GPCPD1: variants seen among roughly 807,000 people sequenced by gnomAD.
The protein encoded by GPCPD1 is glycerophosphocholine phosphodiesterase GPCPD1.
Under a neutral mutation model 89.2 loss-of-function variants are expected in GPCPD1, and 29 were observed. The observed-to-expected ratio is 0.33, with a 90% CI of 0.24 to 0.44. The LOEUF (loss-of-function observed/expected upper bound fraction) is 0.44. Among genes scored for constraint, GPCPD1 ranks in the 20% least tolerant of loss-of-function variants. The pLI is 1.00. For missense variants in GPCPD1, 594 were observed against 808.9 expected, an observed-to-expected ratio of 0.73 and a Z score of 3.22; for synonymous variants, 258 against 266.3, an observed-to-expected ratio of 0.97 and a Z score of 0.30.
chr20:5,604,774 TACACACACACACACACAC>T (rs11466989), intron 1 of GPCPD1, among the ~76,000 whole-genome samples: 3 of 139,072 alleles, frequency 2.2e-5, no homozygotes, highest in Non-Finnish European at 4.6e-5. Context: ...GCCTCATGTC[TACACACACACACACACAC>T]ACACACACAC....
Position 5,546,789 on chromosome 20 carries a change from T to A in GPCPD1, c.*872A>T, listed in dbSNP as rs1600701161. 1.7e-5 allele frequency: 2 copies of A among 120,476 alleles called. No homozygotes were observed. The highest frequency in any genetic ancestry group is 2.4e-4 in the South Asian group (1 of 4,226). 7.5% of individuals were successfully genotyped at this position (120,476 alleles called of 1,614,324 possible). A position where few individuals can be genotyped will look rare whatever the true frequency, so the allele number is the denominator to read the frequency against. ...ATATTTAAAACGCCTACAAACAGCCTTTTTTTTTTAGGCAACAAAATACGT... is the reference window on the plus strand; with the variant it reads ...ATATTTAAAACGCCTACAAACAGCCATTTTTTTTTAGGCAACAAAATACGT... On this transcript the variant is annotated 3_prime_UTR_variant, in exon 20 of 20. Coordinates refer to ENST00000379019, the MANE Select transcript of GPCPD1 (RefSeq NM_019593.5).
At chr20:5,567,360 C>T (rs541150350) in intron 13 of GPCPD1, 123 bp downstream of exon 13, 2 of 1,182,464 alleles carry the variant, frequency 1.7e-6, no homozygotes, top group East Asian at 2.6e-5. Context: ...AATACCAAAG[C>T]ACATAGTCTA....
intron 2 of GPCPD1, among the ~76,000 whole-genome samples, chr20:5,603,356 C>T (rs757809871): frequency 4.0e-4 from 61 of 152,034 alleles, no homozygotes; most frequent in Non-Finnish European, 7.5e-4. Flanking sequence ...TATAAAATCT[C>T]CAAGAGGTGC....
In GPCPD1 at chr20:5,575,426, T is replaced by C. The variant is rs754105928; in HGVS notation, c.988A>G (p.Thr330Ala). Residue 330 changes from threonine to alanine, a missense_variant, in exon 10 of 20, where the codon ACA (threonine) becomes GCA (alanine). Physicochemically the swap from Thr to Ala is moderately conservative, Grantham distance 58. Coordinates refer to ENST00000379019, the MANE Select transcript of GPCPD1 (RefSeq NM_019593.5). ...TATTCAACTTACTGGGCAGTTGTTG[T>C]AGAGTTTCCTGCACCTCGATGGCCA... is the stretch of plus-strand genomic sequence containing the variant. ...DVGHRGAGNS[T>A]TTAQLAKVQE... is the part of the protein sequence containing the mutation. 1.2e-6 allele frequency: 2 copies of C among 1,608,984 alleles called. No homozygotes were observed. Among genetic ancestry groups the C allele is most frequent in the South Asian group, 1.1e-5 (1 of 90,368 alleles).
At chr20:5,554,455 C>G (rs1258910067) in intron 19 of GPCPD1, among the ~76,000 whole-genome samples, 1 of 152,124 alleles carries the variant, frequency 6.6e-6, no homozygotes, top group African/African-American at 2.4e-5. Context: ...AGCCAATACT[C>G]ATTTAACACT....
intron 2 of GPCPD1, among the ~76,000 whole-genome samples, chr20:5,602,605 T>C (rs569256753): frequency 2.6e-5 from 4 of 152,326 alleles, no homozygotes; most frequent in African/African-American, 9.6e-5. Context: ...ATTCACTCAT[T>C]CTTTGAATAC....
intron 16 of GPCPD1, among the ~76,000 whole-genome samples, chr20:5,560,458 C>G (rs1323573965): frequency 6.6e-6 from 1 of 152,126 alleles, no homozygotes; most frequent in Non-Finnish European, 1.5e-5. Context: ...TAAAATGTCC[C>G]TACTAATTAT....
chr20:5,598,909 T>C (rs1172731292), intron 2 of GPCPD1, 88 bp from the exon 3 acceptor site: 2 of 804,808 alleles, frequency 2.5e-6, no homozygotes, highest in Non-Finnish European at 4.3e-6. Context: ...TTCAACCAGA[T>C]ATGCTGCCCC....
At chr20:5,600,374 G>A (rs776855354) in intron 2 of GPCPD1, among the ~76,000 whole-genome samples, 2 of 151,648 alleles carry the variant, frequency 1.3e-5, no homozygotes, top group Non-Finnish European at 2.9e-5. Context: ...TGGCCAACTA[G>A]CAAAACCCTG....
chr20:5,605,337 A>G (rs1431083378), intron 1 of GPCPD1, among the ~76,000 whole-genome samples: 1 of 152,224 alleles, frequency 6.6e-6, no homozygotes, highest in Non-Finnish European at 1.5e-5. Context: ...ACAACTATAG[A>G]GAGAAAAAAG....
intron 12 of GPCPD1, among the ~76,000 whole-genome samples, chr20:5,569,208 C>T (rs1185197209): frequency 6.6e-6 from 1 of 151,558 alleles, no homozygotes; most frequent in Middle Eastern, 3.2e-3. Flanking sequence ...AATAATCCAA[C>T]CCCTAGGAAC....
intron 14 of GPCPD1, 84 bp from the exon 15 acceptor site, chr20:5,565,162 A>C (rs946447896): frequency 1.4e-5 from 11 of 766,374 alleles, no homozygotes; most frequent in Admixed American, 1.2e-4. Context: ...TGCCAAAAAA[A>C]ACAGGGAAAG....
At chr20:5,595,424 T>C (rs111820238) in intron 3 of GPCPD1, among the ~76,000 whole-genome samples, 233 of 152,144 alleles carry the variant, frequency 1.5e-3, no homozygotes, top group African/African-American at 4.6e-3. Context: ...GGGCGGATCA[T>C]GAGGTCAGGA....
chr20:5,550,370 T>C (rs2122525448), intron 19 of GPCPD1, among the ~76,000 whole-genome samples: 1 of 149,338 alleles, frequency 6.7e-6, no homozygotes, highest in South Asian at 2.1e-4. Context: ...AAAAGACTTC[T>C]ATAAAGAAAA....
chr20:5,570,441 A>AC (rs1986651867), intron 11 of GPCPD1, among the ~76,000 whole-genome samples: 1 of 151,516 alleles, frequency 6.6e-6, no homozygotes, highest in Non-Finnish European at 1.5e-5. Flanking sequence ...AAAAAAAAAA[A>AC]AAAAAACGGA....
chr20:5,591,922 A>G (rs1979355089), intron 4 of GPCPD1, among the ~76,000 whole-genome samples: 1 of 152,248 alleles, frequency 6.6e-6, no homozygotes. Flanking sequence ...CACATACTGT[A>G]AACTTTTGCA....
chr20:5,565,834 GTTA>G (rs1285621873), intron 14 of GPCPD1, among the ~76,000 whole-genome samples: 1 of 151,982 alleles, frequency 6.6e-6, no homozygotes, highest in Admixed American at 6.6e-5. Context: ...TTGTGCTTTT[GTTA>G]TTATCAATTA....
chr20:5,567,796 C>T (rs1411435292), intron 12 of GPCPD1: 2 of 350,696 alleles, frequency 5.7e-6, no homozygotes, highest in Non-Finnish European at 1.0e-5. Context: ...GTGTAGAATA[C>T]CTGGAAGGAA....
chr20:5,595,644 AC>A (rs1416533568), intron 3 of GPCPD1, among the ~76,000 whole-genome samples: 2 of 126,494 alleles, frequency 1.6e-5, no homozygotes, highest in African/African-American at 4.2e-5. Flanking sequence ...CCATCTCAAA[AC>A]AAAAACAAAA....
Sources: gnomAD v4.1 joint callset for allele counts (sites outside exome capture counted in the v4.1 genomes callset) on GRCh38, gnomAD v4.1.1 for gene constraint, MANE v1.5 for transcripts, NCBI Gene and HGNC (gene_info 2026-07-23, HGNC 2026-07-21) for gene names.